CRACDL: variants seen among roughly 807,000 people sequenced by gnomAD.
CRACDL encodes the protein CRACD like.
A neutral mutation model predicts 70.6 loss-of-function variants in CRACDL; 26 were observed. That is an observed-to-expected ratio of 0.37 (90% confidence interval 0.27 to 0.51). CRACDL has a LOEUF of 0.51. Among genes scored for constraint, CRACDL ranks in the 20% least tolerant of loss-of-function variants. The pLI, the probability that CRACDL is intolerant of heterozygous loss-of-function variation, is 0.94. For missense variants in CRACDL, 1,283 were observed against 1,376.9 expected, an observed-to-expected ratio of 0.93 and a Z score of 1.08; for synonymous variants, 618 against 615.2, an observed-to-expected ratio of 1.00 and a Z score of -0.07.
At chr2:98,824,668 A>T (rs1705234875) in intron 6 of CRACDL, among the ~76,000 whole-genome samples, 1 of 152,202 alleles carries the variant, frequency 6.6e-6, no homozygotes, top group Non-Finnish European at 1.5e-5. Context: ...CCCCTTTTCT[A>T]AAGCAGGAAC....
At chr2:98,873,285 C>A (rs186770532) in intron 1 of CRACDL, among the ~76,000 whole-genome samples, 33 of 152,342 alleles carry the variant, frequency 2.2e-4, no homozygotes, top group Admixed American at 2.2e-3. Flanking sequence ...CCTTGTTTGT[C>A]TCCACATCAT....
intron 1 of CRACDL, among the ~76,000 whole-genome samples, chr2:98,919,762 A>G (rs1708755705): frequency 6.6e-6 from 1 of 152,156 alleles, no homozygotes; most frequent in Non-Finnish European, 1.5e-5. Flanking sequence ...TGAATTTACA[A>G]ATTTTTCTGA....
chr2:98,901,375 C>T (rs578073625), intron 1 of CRACDL, among the ~76,000 whole-genome samples: 1 of 152,146 alleles, frequency 6.6e-6, no homozygotes, highest in Non-Finnish European at 1.5e-5. Context: ...TTGGGAGAAC[C>T]CTGATCTTCT....
At chr2:98,819,935 TC>T (rs1048889999) in intron 7 of CRACDL, among the ~76,000 whole-genome samples, 2 of 149,362 alleles carry the variant, frequency 1.3e-5, no homozygotes, top group African/African-American at 4.9e-5. Flanking sequence ...TTCTCCTGGC[TC>T]AGCCTCCTGA....
chr2:98,889,285 G>GAGAAAA lies in CRACDL; in HGVS notation c.-10-42476_-10-42475insTTTTCT, dbSNP rs1707891268. ...AGAAAGAAAGAAACAGAAAAAGAGA[G>GAGAAAA]AGAAAGAAAGAAAGAAAGAAAGAAA... is the stretch of plus-strand genomic sequence containing the variant. On this transcript the variant is annotated intron_variant, in intron 1 of 9. Coordinates refer to ENST00000397899, the MANE Select transcript of CRACDL (RefSeq NM_207362.3). 4.3e-5 allele frequency among the ~76,000 whole-genome samples: 6 copies of GAGAAAA among 141,072 alleles called. No individual in the cohort carries two copies. In the East Asian group the frequency reaches 1.3e-3, roughly 31 times the overall value. 92.5% of individuals were successfully genotyped at this position (141,072 alleles called of 152,430 possible). A position where few individuals can be genotyped will look rare whatever the true frequency, so the allele number is the denominator to read the frequency against.
chr2:98,927,072 A>G (rs974668611), intron 1 of CRACDL, among the ~76,000 whole-genome samples: 4 of 152,176 alleles, frequency 2.6e-5, no homozygotes, highest in Non-Finnish European at 5.9e-5. Flanking sequence ...GAAGTGTCCA[A>G]TCTGACTTCC....
intron 1 of CRACDL, among the ~76,000 whole-genome samples, chr2:98,868,062 ACT>A (rs1226028595): frequency 6.6e-6 from 1 of 152,230 alleles, no homozygotes; most frequent in East Asian, 1.9e-4. Context: ...AGAATCAGGC[ACT>A]GAGGTTTCAT....
intron 1 of CRACDL, among the ~76,000 whole-genome samples, chr2:98,929,799 GAT>G (rs1319293345): frequency 6.6e-6 from 1 of 152,028 alleles, no homozygotes; most frequent in East Asian, 1.9e-4. Context: ...AATCTCATAG[GAT>G]ATGTCAAGTA....
chr2:98,832,414 G>A lies in CRACDL; in HGVS notation c.474C>T (p.Asp158=), dbSNP rs34718472. ...TCTCTGGGGGGCTCCTGGGCAGCCC[G>A]TCGTCCTCAGAGCTCATGCCGGCAT... is the stretch of plus-strand genomic sequence containing the variant. ...GEDAGMSSED[D]GLPRSPPEMS... is the part of the protein sequence containing the mutation. The change falls in exon 5 of 10, where the codon GAC becomes GAT. Residue 158 remains aspartate, a synonymous_variant. Transcript: ENST00000397899. 1,224 of 1,614,176 alleles carry A rather than the reference G, an allele frequency of 7.6e-4. 6 individuals are homozygous for A. The highest frequency in any genetic ancestry group is 6.9e-3 in the African/African-American group (518 of 75,042).
chr2:98,817,978 T>G (rs775318316), intron 7 of CRACDL, among the ~76,000 whole-genome samples: 4 of 152,194 alleles, frequency 2.6e-5, no homozygotes, highest in African/African-American at 7.2e-5. Flanking sequence ...AGTGATTTTT[T>G]TTTCTACATA....
intron 2 of CRACDL, among the ~76,000 whole-genome samples, chr2:98,840,905 T>G (rs1216029714): frequency 6.6e-6 from 1 of 152,154 alleles, no homozygotes; most frequent in Non-Finnish European, 1.5e-5. Flanking sequence ...TCTGAAATGC[T>G]GCAAAATCTG....
intron 1 of CRACDL, among the ~76,000 whole-genome samples, chr2:98,879,621 T>C (rs1484109520): frequency 6.6e-6 from 1 of 152,240 alleles, no homozygotes; most frequent in Non-Finnish European, 1.5e-5. Context: ...CAATCTCGGC[T>C]CACTGCAACC....
intron 9 of CRACDL, 35 bp from the exon 10 acceptor site, chr2:98,794,706 G>A (rs1453381271): frequency 1.9e-6 from 3 of 1,581,292 alleles, no homozygotes; most frequent in Non-Finnish European, 2.6e-6. Flanking sequence ...ACAGAAACAT[G>A]AGCAGTGACT....
intron 2 of CRACDL, among the ~76,000 whole-genome samples, chr2:98,843,942 G>C (rs1162306738): frequency 6.6e-6 from 1 of 151,770 alleles, no homozygotes; most frequent in Non-Finnish European, 1.5e-5. Context: ...CCTCCTCCCT[G>C]TTTCTGATGG....
intron 7 of CRACDL, among the ~76,000 whole-genome samples, chr2:98,817,194 T>G (rs1424022552): frequency 6.6e-6 from 1 of 152,062 alleles, no homozygotes; most frequent in African/African-American, 2.4e-5. Context: ...CATGAGGAGC[T>G]GGGCGGGGGA....
At chr2:98,888,353 T>A (rs894122934) in intron 1 of CRACDL, among the ~76,000 whole-genome samples, 1 of 152,192 alleles carries the variant, frequency 6.6e-6, no homozygotes, top group African/African-American at 2.4e-5. Flanking sequence ...AAAGACATAA[T>A]GTGTATAACA....
At chr2:98,824,032 A>G (rs1330700352) in intron 6 of CRACDL, among the ~76,000 whole-genome samples, 2 of 152,206 alleles carry the variant, frequency 1.3e-5, no homozygotes, top group East Asian at 3.8e-4. Flanking sequence ...TGTTCCTCCC[A>G]GCCAGTCTCC....
intron 1 of CRACDL, chr2:98,869,424 T>G (rs903962732): frequency 4.3e-6 from 2 of 464,636 alleles, no homozygotes; most frequent in Admixed American, 4.1e-5. Context: ...AAGGCCGGGA[T>G]GGGGGTGGCC....
chr2:98,807,288 C>T (rs1006816825), intron 7 of CRACDL, among the ~76,000 whole-genome samples: 4 of 152,208 alleles, frequency 2.6e-5, no homozygotes, highest in African/African-American at 9.7e-5. Context: ...CCTATAAAAC[C>T]ACTTCCTCCC....
Sources: allele counts gnomAD v4.1 joint callset (sites outside exome capture counted in the v4.1 genomes callset), GRCh38; gene constraint gnomAD v4.1.1; transcripts MANE v1.5; gene names NCBI Gene and HGNC (gene_info 2026-07-23, HGNC 2026-07-21).